ZNF142: variants seen among roughly 807,000 people sequenced by gnomAD.
ZNF142 encodes the protein zinc finger protein 142.
ZNF142 carries 96 observed loss-of-function variants against 132.1 expected under a neutral mutation model. That is an observed-to-expected ratio of 0.73 (90% CI 0.62 to 0.86). The LOEUF (loss-of-function observed/expected upper bound fraction) is 0.86. ZNF142 is among the 40% of genes least tolerant of loss of function. The pLI, the probability that ZNF142 is intolerant of heterozygous loss-of-function variation, is 0.00. For missense variants in ZNF142, 2,163 were observed against 2,336.2 expected (o/e 0.93, Z 1.53); for synonymous variants, 842 against 890.1 (o/e 0.95, Z 0.96).
Position 218,636,706 on chromosome 2 carries a change from T to C in ZNF142, c.*1633A>G. 1 of 982,304 alleles carries C rather than the reference T, an allele frequency of 1.0e-6. No individual in the cohort carries two copies. The highest frequency in any genetic ancestry group is 1.5e-6 in the Non-Finnish European group (1 of 653,316). The allele number at this position is 982,304 out of a possible 1,614,324, so 60.8% of individuals were successfully genotyped here. ...GGATTGTGCATTCCTAGGCACAAAATTACCTCATTCTTCCTAACAAGCAAT... is the reference window on the plus strand; with the variant it reads ...GGATTGTGCATTCCTAGGCACAAAACTACCTCATTCTTCCTAACAAGCAAT... On this transcript the variant is annotated 3_prime_UTR_variant, in exon 11 of 11. Transcript: ENST00000411696.
In ZNF142 at chr2:218,642,935, T is replaced by C; in HGVS notation, c.4181A>G (p.His1394Arg). 2 of 1,613,606 alleles carry C rather than the reference T, an allele frequency of 1.2e-6. No homozygotes were observed. Among genetic ancestry groups the C allele is most frequent in the Non-Finnish European group, 1.7e-6 (2 of 1,179,920 alleles). The change falls in exon 9 of 11, where the codon CAC becomes CGC. Residue 1394 changes from histidine to arginine, a missense_variant. Transcript: ENST00000411696. This position sits in a 1 kb window ranked among gnomAD's most constrained non-coding sequence, Gnocchi z 4.6. The stretch of plus-strand genomic sequence containing the variant: ...GCACTGATGGGGCTTCACCCCCTCG[T>C]GCTTGAGCCGCCGGTGCTGCTGCAT... ...RCMQQHRRLK[H>R]EGVKPHQCPF...
Position 218,642,999 on chromosome 2 carries a change from A to G in ZNF142, c.4117T>C (p.Cys1373Arg), listed in dbSNP as rs770096599. ...TTACAGGTGAAGCCACAGTCCCCACACTGTAGATGGGGCCGGGGCCCACGG... is the reference window on the plus strand; with the variant it reads ...TTACAGGTGAAGCCACAGTCCCCACGCTGTAGATGGGGCCGGGGCCCACGG... ...PARGPRPHLQCGDCGFTCKQS... is the reference protein window; with the variant it reads ...PARGPRPHLQRGDCGFTCKQS... Residue 1373 changes from cysteine to arginine, a missense_variant, in exon 9 of 11, where the codon TGT (cysteine) becomes CGT (arginine). Coordinates refer to ENST00000411696, the MANE Select transcript of ZNF142 (RefSeq NM_001379659.1). This position sits in a 1 kb window ranked among gnomAD's most constrained non-coding sequence, Gnocchi z 4.6. The G allele has an allele frequency of 6.2e-7, 1 of 1,611,102 alleles. No homozygotes were observed. The highest frequency in any genetic ancestry group is 8.5e-7 in the Non-Finnish European group (1 of 1,178,462).
chr2:218,643,634 C>A lies in ZNF142; in HGVS notation c.3482G>T (p.Gly1161Val). 6.4e-7 allele frequency: 1 copy of A among 1,552,396 alleles called. No individual in the cohort carries two copies. Among genetic ancestry groups the A allele is most frequent in the Non-Finnish European group, 8.7e-7 (1 of 1,152,184 alleles). Reference sequence around the variant, plus strand: ...GTTTCCTGCAGGAGGGACTGGGGAACCAGAGACTGTGGCAAGAGGCTCTTC... The same window carrying A: ...GTTTCCTGCAGGAGGGACTGGGGAAACAGAGACTGTGGCAAGAGGCTCTTC... ...ETEEPLATVS[G>V]SPVPPAGNSL... is the part of the protein sequence containing the mutation. Residue 1161 changes from glycine to valine, a missense_variant, in exon 9 of 11, where the codon GGT becomes GTT. Physicochemically the swap from Gly to Val is moderately radical, Grantham distance 109. Transcript: ENST00000411696.
intron 4 of ZNF142, among the ~76,000 whole-genome samples, chr2:218,655,209 C>T (rs915981583): frequency 6.6e-6 from 1 of 152,108 alleles, no homozygotes; most frequent in Non-Finnish European, 1.5e-5. Context: ...TTACATATTG[C>T]GAATGTTTTT....
At position 218,648,712 on chromosome 2, in the gene ZNF142, T is replaced by G. The variant is rs1937672044; in HGVS notation, c.1796A>C (p.Lys599Thr). 1 of 1,614,118 alleles carries G rather than the reference T, an allele frequency of 6.2e-7. No individual in the cohort carries two copies. The highest frequency in any genetic ancestry group is 8.5e-7 in the Non-Finnish European group (1 of 1,180,038). ...GTTGCACTCAGGACACTGGTGGATC[T>G]TTTCATGAGCATGCATCTTGCCTAC... The part of the protein sequence containing the change: ...DHVGKMHAHE[K>T]IHQCPECNFA... Residue 599 changes from lysine to threonine, a missense_variant, in exon 7 of 11, where the codon AAG becomes ACG. Lys to Thr is a moderately conservative substitution (Grantham distance 78). Transcript: ENST00000411696.
chr2:218,653,897 T>A (rs971169416), intron 4 of ZNF142, among the ~76,000 whole-genome samples: 5 of 152,152 alleles, frequency 3.3e-5, no homozygotes, highest in Non-Finnish European at 5.9e-5. Context: ...TCACCCAGGC[T>A]GCAGTGCAGT....
rs761639163 is a variant in ZNF142 at position 218,638,583 on chromosome 2, C to A, written c.5420G>T (p.Gly1807Val). Residue 1807 changes from glycine (G) to valine (V), a missense_variant, in exon 11 of 11, where the codon GGC becomes GTC. Physicochemically the swap from Gly to Val is moderately radical, Grantham distance 109. Around this residue, in one of 7 missense-constraint regions of ZNF142, gnomAD observed 325 missense variants for 367.8 expected, o/e 0.88. Coordinates refer to ENST00000411696, the MANE Select transcript of ZNF142 (RefSeq NM_001379659.1). ...GTGGGTGAGGGCATGATGGCGCAGG[C>A]CAGCAGCCCAGCGGAAAGCACGGTG... ...VCHRAFRWAAGLRHHALTHTD... is the reference protein window; with the variant it reads ...VCHRAFRWAAVLRHHALTHTD... The A allele has an allele frequency of 1.9e-6, 3 of 1,612,262 alleles. No homozygotes were observed. The Admixed American group carries it at 5.0e-5, about 27-fold the overall frequency.
At chr2:218,653,343 C>T (rs1938192606) in intron 4 of ZNF142, among the ~76,000 whole-genome samples, 1 of 151,646 alleles carries the variant, frequency 6.6e-6, no homozygotes, top group African/African-American at 2.4e-5. Flanking sequence ...TTTGGAAGGA[C>T]GAGGTGGGTG....
chr2:218,658,542 A>T (rs1323140061), intron 3 of ZNF142, among the ~76,000 whole-genome samples, 159 bp downstream of exon 3: 1 of 108,086 alleles, frequency 9.3e-6, no homozygotes, highest in East Asian at 2.6e-4. Flanking sequence ...ACTCCGTCTC[A>T]AAAAAAAAAC....
In ZNF142 at chr2:218,634,583, C is replaced by G; in HGVS notation, c.*3756G>C. The stretch of plus-strand genomic sequence containing the variant: ...GCGTGATATCCAGAGTTCTTTCCAC[C>G]CTGAGAAGCCCATCAGCCCTTTCAA... On this transcript the variant is annotated 3_prime_UTR_variant, in exon 11 of 11. Transcript: ENST00000411696. This position sits in a 1 kb window ranked among gnomAD's most constrained non-coding sequence, Gnocchi z 4.0. 1.2e-6 allele frequency: 2 copies of G among 1,614,050 alleles called. No individual in the cohort carries two copies. The highest frequency in any genetic ancestry group is 1.7e-6 in the Non-Finnish European group (2 of 1,179,904).
At position 218,634,397 on chromosome 2, in the gene ZNF142, A is replaced by C; in HGVS notation, c.*3942T>G. The C allele has an allele frequency of 6.3e-7, 1 of 1,582,432 alleles. No homozygotes were observed. The highest frequency in any genetic ancestry group is 1.2e-5 in the South Asian group (1 of 85,758). Reference sequence around the variant, plus strand: ...CAGTACCTATCTTCTTAACTCCCTGAAAGAGGGGCTGGAAGGCCTCCATGG... The same window carrying C: ...CAGTACCTATCTTCTTAACTCCCTGCAAGAGGGGCTGGAAGGCCTCCATGG... On this transcript the variant is annotated 3_prime_UTR_variant, in exon 11 of 11. Transcript: ENST00000411696. The surrounding 1 kb of genome is among the most constrained non-coding windows in gnomAD (Gnocchi z 4.0).
At chr2:218,640,510 G>A (rs918806977) in intron 10 of ZNF142, among the ~76,000 whole-genome samples, 154 bp downstream of exon 10, 4 of 152,134 alleles carry the variant, frequency 2.6e-5, no homozygotes, top group African/African-American at 7.2e-5. Context: ...GTGGGTTGGG[G>A]AGCCATTCTG....
In ZNF142 at chr2:218,644,439, A is replaced by G. The variant is rs754751903; in HGVS notation, c.2677T>C (p.Cys893Arg). ...PSPAEVEEGS[C>R]TLHLEALGVE... The stretch of plus-strand genomic sequence containing the variant: ...CCCAGGGCCTCTAGGTGTAGTGTGC[A>G]GCTGCCCTCCTCCACCTCTGCTGGG... The change falls in exon 9 of 11, where the codon TGC (cysteine) becomes CGC (arginine). Residue 893 changes from cysteine to arginine, a missense_variant. This residue lies in a region of ZNF142 where 749 missense variants were observed against 830.3 expected (regional missense o/e 0.90). Coordinates refer to ENST00000411696, the MANE Select transcript of ZNF142 (RefSeq NM_001379659.1). The surrounding 1 kb of genome is among the most constrained non-coding windows in gnomAD (Gnocchi z 4.6). The G allele has an allele frequency of 6.2e-7, 1 of 1,614,040 alleles. No homozygotes were observed. Among genetic ancestry groups the G allele is most frequent in the Non-Finnish European group, 8.5e-7 (1 of 1,179,994 alleles).
Position 218,638,536 on chromosome 2 carries a change from A to C in ZNF142, c.5467T>G (p.Cys1823Gly). The C allele has an allele frequency of 6.2e-7, 1 of 1,610,540 alleles. No individual in the cohort carries two copies. Among genetic ancestry groups the C allele is most frequent in the South Asian group, 1.1e-5 (1 of 90,836 alleles). Reference protein sequence around the residue: ...LTHTDRHPFFCRLCNYKAKQK... With the variant: ...LTHTDRHPFFGRLCNYKAKQK... Reference sequence around the variant, plus strand: ...TTGGCCTTGTAGTTGCAGAGGCGGCAAAAGAAGGGGTGGCGGTCGGTGTGG... The same window carrying C: ...TTGGCCTTGTAGTTGCAGAGGCGGCCAAAGAAGGGGTGGCGGTCGGTGTGG... Residue 1823 changes from cysteine to glycine, a missense_variant, in exon 11 of 11, where the codon TGC becomes GGC. By Grantham distance (159) the Cys-to-Gly change is radical. This residue lies in a region of ZNF142 where 325 missense variants were observed against 367.8 expected (regional missense o/e 0.88). Coordinates refer to ENST00000411696, the MANE Select transcript of ZNF142 (RefSeq NM_001379659.1).
chr2:218,658,530 A>G (rs1419850489), intron 3 of ZNF142, among the ~76,000 whole-genome samples, 171 bp downstream of exon 3: 1 of 147,702 alleles, frequency 6.8e-6, no homozygotes, highest in Non-Finnish European at 1.5e-5. Flanking sequence ...AACAAGAGCG[A>G]AACTCCGTCT....
chr2:218,651,618 G>T, intron 5 of ZNF142, 83 bp downstream of exon 5: 1 of 1,193,090 alleles, frequency 8.4e-7, no homozygotes, highest in Non-Finnish European at 1.1e-6. Context: ...GTACATTCAT[G>T]GCCTTGGAAA....
Position 218,656,147 on chromosome 2 carries a change from T to C in ZNF142, c.280+3A>G, listed in dbSNP as rs1938461681. On this transcript the variant is annotated splice_donor_region_variant and intron_variant, in intron 4 of 10. Coordinates refer to ENST00000411696, the MANE Select transcript of ZNF142 (RefSeq NM_001379659.1). Reference sequence around the variant, plus strand: ...ACTGGCCTGCTTGCAACTGTGTTTGTACCTGGGGTCTCTCCAGGAGCACCT... The same window carrying C: ...ACTGGCCTGCTTGCAACTGTGTTTGCACCTGGGGTCTCTCCAGGAGCACCT... The C allele has an allele frequency of 2.6e-6, 4 of 1,562,040 alleles. No individual in the cohort carries two copies. The highest frequency in any genetic ancestry group is 1.2e-5 in the South Asian group (1 of 82,276).
chr2:218,634,092 T>C lies in ZNF142; in HGVS notation c.*4247A>G. On this transcript the variant is annotated 3_prime_UTR_variant, in exon 11 of 11. Transcript: ENST00000411696. This position sits in a 1 kb window ranked among gnomAD's most constrained non-coding sequence, Gnocchi z 4.0. Reference sequence around the variant, plus strand: ...CACCCCACTTCCATCTCCCTCTCTATACCCTTTTACAGGCAATGAGTTTGT... The same window carrying C: ...CACCCCACTTCCATCTCCCTCTCTACACCCTTTTACAGGCAATGAGTTTGT... 1.9e-6 allele frequency: 3 copies of C among 1,599,608 alleles called. No individual in the cohort carries two copies. Among genetic ancestry groups the C allele is most frequent in the Non-Finnish European group, 2.6e-6 (3 of 1,173,054 alleles).
chr2:218,644,141 G>A lies in ZNF142; in HGVS notation c.2975C>T (p.Ala992Val), dbSNP rs1165653527. The change falls in exon 9 of 11, where the codon GCA (alanine) becomes GTA (valine). Residue 992 changes from alanine to valine, a missense_variant. Ala to Val is a moderately conservative substitution (Grantham distance 64). Coordinates refer to ENST00000411696, the MANE Select transcript of ZNF142 (RefSeq NM_001379659.1). The surrounding 1 kb of genome is among the most constrained non-coding windows in gnomAD (Gnocchi z 4.6). ...TFKTTPPAET[A>V]PLPPLPESES... ...TGACTCAGGTAATGGGGGCAAGGGT[G>A]CTGTCTCAGCAGGTGGAGTTGTCTT... 1 of 1,614,090 alleles carries A rather than the reference G, an allele frequency of 6.2e-7. No individual in the cohort carries two copies. The highest frequency in any genetic ancestry group is 1.7e-5 in the Admixed American group (1 of 60,014).
Sources: allele counts gnomAD v4.1 joint callset (sites outside exome capture counted in the v4.1 genomes callset), GRCh38; gene constraint gnomAD v4.1.1; regional missense constraint gnomAD v4.1.1; non-coding constraint Gnocchi (gnomAD v3.1); transcripts MANE v1.5; gene names NCBI Gene and HGNC (gene_info 2026-07-23, HGNC 2026-07-21).